KIAA1549L: variants seen among roughly 807,000 people sequenced by gnomAD.
KIAA1549L encodes KIAA1549 like, also known as UPF0606 protein KIAA1549L.
In KIAA1549L, 88 loss-of-function variants were observed where a neutral mutation model predicts 160.7. The ratio of observed to expected loss-of-function variants is 0.55; its 90% CI spans 0.46 to 0.65. The LOEUF is 0.65. Ranked by LOEUF, KIAA1549L falls within the 30% of genes least tolerant of loss-of-function variation. The pLI, the probability that KIAA1549L is intolerant of heterozygous loss-of-function variation, is 0.00. For missense variants in KIAA1549L, 2,258 were observed against 2,437.5 expected (o/e 0.93, Z 1.55); for synonymous variants, 950 against 976.7 (o/e 0.97, Z 0.51).
intron 1 of KIAA1549L, among the ~76,000 whole-genome samples, chr11:33,453,652 T>G (rs1035848627): frequency 6.6e-6 from 1 of 152,224 alleles, no homozygotes; most frequent in African/African-American, 2.4e-5. Flanking sequence ...GTGATAGGCA[T>G]CTGATCATAT....
chr11:33,646,294 C>T (rs556510271), intron 17 of KIAA1549L, among the ~76,000 whole-genome samples: 1 of 152,352 alleles, frequency 6.6e-6, no homozygotes, highest in South Asian at 2.1e-4. Flanking sequence ...TTTCTACTAT[C>T]CCTTCTATAA....
rs570101740 is a variant in KIAA1549L, at chr11:33,543,450, A to G, written c.1887A>G (p.Ile629Met). 3 of 1,613,556 alleles carry G rather than the reference A, an allele frequency of 1.9e-6. No individual in the cohort carries two copies. The highest frequency in any genetic ancestry group is 1.1e-5 in the South Asian group (1 of 91,060). ...PLPSGPPLPSILSIQATQTVF... is the reference protein window; with the variant it reads ...PLPSGPPLPSMLSIQATQTVF... Reference sequence around the variant, plus strand: ...CTTCAGGACCACCTCTACCTTCCATACTCTCCATACAAGCCACCCAGACTG... The same window carrying G: ...CTTCAGGACCACCTCTACCTTCCATGCTCTCCATACAAGCCACCCAGACTG... The change falls in exon 2 of 21, where the codon ATA becomes ATG. Residue 629 changes from isoleucine to methionine, a missense_variant. Coordinates refer to ENST00000658780, the MANE Select transcript of KIAA1549L (RefSeq NM_012194.3).
intron 1 of KIAA1549L, among the ~76,000 whole-genome samples, chr11:33,427,739 C>A (rs75370919): frequency 6.9e-4 from 105 of 152,318 alleles, no homozygotes; most frequent in Non-Finnish European, 1.3e-3. Flanking sequence ...GAAACCTTTT[C>A]ATTATTCTGA....
intron 1 of KIAA1549L, among the ~76,000 whole-genome samples, chr11:33,480,566 CTG>C (rs1325282292): frequency 6.6e-6 from 1 of 152,104 alleles, no homozygotes; most frequent in Non-Finnish European, 1.5e-5. Context: ...TATATGGTAA[CTG>C]TGTGTTTGGG....
intron 20 of KIAA1549L, among the ~76,000 whole-genome samples, chr11:33,667,481 C>T (rs940487161): frequency 3.9e-5 from 6 of 152,024 alleles, no homozygotes; most frequent in African/African-American, 1.2e-4. Flanking sequence ...CAGCCTCTGC[C>T]TCCCGGGTTC....
chr11:33,646,699 C>T (rs1266489536), intron 17 of KIAA1549L, among the ~76,000 whole-genome samples: 2 of 152,202 alleles, frequency 1.3e-5, no homozygotes, highest in African/African-American at 2.4e-5. Flanking sequence ...GGACATCTGT[C>T]CAGCAACTGC....
At chr11:33,377,882 C>T (rs1299458434) in intron 1 of KIAA1549L, among the ~76,000 whole-genome samples, 1 of 152,194 alleles carries the variant, frequency 6.6e-6, no homozygotes, top group Admixed American at 6.5e-5. Context: ...TATTTCTCGT[C>T]TTCAGCAGCT....
At chr11:33,382,961 A>C (rs755756464) in intron 1 of KIAA1549L, among the ~76,000 whole-genome samples, 5 of 152,216 alleles carry the variant, frequency 3.3e-5, no homozygotes, top group Non-Finnish European at 7.3e-5. Flanking sequence ...TAGGAAAAGA[A>C]GAAAGTGTAT....
In KIAA1549L at chr11:33,536,825, G is replaced by A. The variant is rs530032970; in HGVS notation, c.239-4977G>A. On this transcript the variant is annotated intron_variant, in intron 1 of 20. Transcript: ENST00000658780. ...CTCAACTCCTCTTTACAACATTCCCGTCGTCTTGAGCCTGGACCACTGCAG... is the reference window on the plus strand; with the variant it reads ...CTCAACTCCTCTTTACAACATTCCCATCGTCTTGAGCCTGGACCACTGCAG... Among the ~76,000 whole-genome samples the A allele has an allele frequency of 3.9e-5, 6 of 152,304 alleles. No individual in the cohort carries two copies. In the South Asian group the frequency reaches 6.2e-4, roughly 16 times the overall value.
At chr11:33,636,677 A>G (rs1009768510) in intron 16 of KIAA1549L, among the ~76,000 whole-genome samples, 38 of 152,318 alleles carry the variant, frequency 2.5e-4, no homozygotes, top group African/African-American at 7.5e-4. Flanking sequence ...ATATTGTTAT[A>G]ATTGTTCTTT....
chr11:33,538,242 C>T (rs1853937491), intron 1 of KIAA1549L, among the ~76,000 whole-genome samples: 1 of 152,164 alleles, frequency 6.6e-6, no homozygotes, highest in Non-Finnish European at 1.5e-5. Context: ...ATAACCTCGA[C>T]CTGGTCTTTC....
chr11:33,653,591 G>T (rs1417680985), intron 17 of KIAA1549L, among the ~76,000 whole-genome samples: 1 of 152,086 alleles, frequency 6.6e-6, no homozygotes, highest in Non-Finnish European at 1.5e-5. Context: ...TTACTTTATT[G>T]ATCCTACTTG....
intron 11 of KIAA1549L, among the ~76,000 whole-genome samples, chr11:33,590,385 T>C (rs1003882913): frequency 2.0e-5 from 3 of 152,222 alleles, no homozygotes; most frequent in Non-Finnish European, 2.9e-5. Context: ...CTGCCTCAAA[T>C]CTGTATTGTA....
chr11:33,508,893 C>T lies in KIAA1549L; in HGVS notation c.239-32909C>T, dbSNP rs146787302. ...GTCATTTAACCTTTTGCTTCAGTTT[C>T]TTTGTGTATAAAATGAGACGGCTGG... is the stretch of plus-strand genomic sequence containing the variant. On this transcript the variant is annotated intron_variant, in intron 1 of 20. Coordinates refer to ENST00000658780, the MANE Select transcript of KIAA1549L (RefSeq NM_012194.3). Among the ~76,000 whole-genome samples, 829 of 152,276 alleles carry T rather than the reference C, an allele frequency of 5.4e-3. 1 individual carries two copies. The highest frequency in any genetic ancestry group is 0.015 in the South Asian group (70 of 4,826).
intron 1 of KIAA1549L, among the ~76,000 whole-genome samples, chr11:33,499,861 A>C (rs964697056): frequency 2.0e-5 from 3 of 152,164 alleles, no homozygotes; most frequent in Non-Finnish European, 4.4e-5. Flanking sequence ...AATGGAAAAC[A>C]TGGTCCTGGC....
intron 1 of KIAA1549L, among the ~76,000 whole-genome samples, chr11:33,495,083 T>TTTATTATTATTATTATTA (rs367711015): frequency 5.3e-5 from 8 of 152,016 alleles, no homozygotes; most frequent in South Asian, 2.1e-4. Flanking sequence ...CATTTGCTAC[T>TTTATTATTATTATTATTA]TTATTATTAT....
At chr11:33,666,194 G>A (rs1305208609) in intron 20 of KIAA1549L, among the ~76,000 whole-genome samples, 1 of 152,118 alleles carries the variant, frequency 6.6e-6, no homozygotes, top group Non-Finnish European at 1.5e-5. Flanking sequence ...AGAGCAGGAG[G>A]CCTGGGTCTG....
At chr11:33,432,207 G>A (rs1331968044) in intron 1 of KIAA1549L, among the ~76,000 whole-genome samples, 1 of 152,314 alleles carries the variant, frequency 6.6e-6, no homozygotes, top group African/African-American at 2.4e-5. Context: ...GCAGCGGTGG[G>A]CTGAAGTGCT....
chr11:33,445,539 A>C (rs182448558), intron 1 of KIAA1549L, among the ~76,000 whole-genome samples: 1 of 152,352 alleles, frequency 6.6e-6, no homozygotes, highest in African/African-American at 2.4e-5. Flanking sequence ...GTGTCCCACG[A>C]GGTGTATAGA....
Sources: gnomAD v4.1 joint callset for allele counts (sites outside exome capture counted in the v4.1 genomes callset) on GRCh38, gnomAD v4.1.1 for gene constraint, MANE v1.5 for transcripts, NCBI Gene and HGNC (gene_info 2026-07-23, HGNC 2026-07-21) for gene names.